CFAP47: variants seen among roughly 807,000 people sequenced by gnomAD.
CFAP47 encodes cilia- and flagella-associated protein 47.
A neutral mutation model predicts 148.1 loss-of-function variants in CFAP47; 29 were observed. That is an observed-to-expected ratio of 0.20 (90% CI 0.15 to 0.27). The LOEUF (loss-of-function observed/expected upper bound fraction) is 0.27, where lower values mean the gene tolerates loss of function less well. Among genes scored for constraint, CFAP47 ranks in the 10% least tolerant of loss-of-function variants. CFAP47 has a pLI of 1.00. For missense variants in CFAP47, 1,872 were observed against 1,697.5 expected, an observed-to-expected ratio of 1.10 and a Z score of -1.81; for synonymous variants, 664 against 577.3, an observed-to-expected ratio of 1.15 and a Z score of -2.15.
Position 36,228,745 on chromosome X carries a change from T to C in CFAP47, c.6935T>C (p.Ile2312Thr), listed in dbSNP as rs781798845. Residue 2312 changes from isoleucine (I) to threonine (T), a missense_variant, in exon 46 of 64, where the codon ATT (isoleucine) becomes ACT (threonine). Transcript: ENST00000378653. ...YDVRAYYVEG[I>T]VNEEQPEAKF... Reference sequence around the variant, plus strand: ...GTGCGTGCCTATTATGTTGAAGGTATTGTGAATGAAGAACAACCAGAGGCC... The same window carrying C: ...GTGCGTGCCTATTATGTTGAAGGTACTGTGAATGAAGAACAACCAGAGGCC... 1 of 523,409 alleles carries C rather than the reference T, an allele frequency of 1.9e-6. No homozygotes were observed. Among genetic ancestry groups the C allele is most frequent in the African/African-American group, 2.3e-5 (1 of 43,263 alleles). The allele number at this position is 523,409 out of a possible 1,213,427, so 43.1% of individuals were successfully genotyped here.
chrX:36,049,819 A>C (rs1202402305), intron 26 of CFAP47, among the ~76,000 whole-genome samples: 2 of 111,490 alleles, frequency 1.8e-5, no homozygotes, highest in Non-Finnish European at 3.8e-5. Context: ...GTCCCCACCT[A>C]AATTTCATCT....
At chrX:36,055,001 T>C (rs1248346954) in intron 26 of CFAP47, among the ~76,000 whole-genome samples, 2 of 109,824 alleles carry the variant, frequency 1.8e-5, no homozygotes, top group Non-Finnish European at 3.8e-5. Flanking sequence ...CTCGATCTCC[T>C]GACCTCATGA....
chrX:36,381,647 A>G (rs1473464434), intron 63 of CFAP47, among the ~76,000 whole-genome samples: 2 of 111,048 alleles, frequency 1.8e-5, no homozygotes, highest in African/African-American at 3.3e-5. Context: ...TTTGAGACTA[A>G]AGTTTACTTA....
intron 1 of CFAP47, among the ~76,000 whole-genome samples, chrX:35,923,994 T>C (rs1362211905): frequency 2.0e-5 from 2 of 102,247 alleles, no homozygotes; most frequent in Non-Finnish European, 3.9e-5. Flanking sequence ...TATGTACATA[T>C]ATGTGTATAT....
intron 50 of CFAP47, among the ~76,000 whole-genome samples, chrX:36,282,977 TAGTG>T (rs1303975502): frequency 1.5e-4 from 17 of 111,637 alleles, no homozygotes; most frequent in African/African-American, 2.9e-4. Flanking sequence ...AAAGTTTTAA[TAGTG>T]AGTATTTTCT....
intron 45 of CFAP47, among the ~76,000 whole-genome samples, chrX:36,227,223 C>T (rs1602055679): frequency 9.0e-6 from 1 of 111,267 alleles, no homozygotes; most frequent in Non-Finnish European, 1.9e-5. Flanking sequence ...TAGGATGGAA[C>T]AAAAATAACA....
At chrX:36,118,176 A>G (rs1464491826) in intron 33 of CFAP47, among the ~76,000 whole-genome samples, 1 of 111,790 alleles carries the variant, frequency 8.9e-6, no homozygotes, top group Non-Finnish European at 1.9e-5. Flanking sequence ...AGATAATGTG[A>G]TTCTTCCAGT....
chrX:36,184,381 A>G (rs1482341792), intron 40 of CFAP47, among the ~76,000 whole-genome samples: 1 of 111,427 alleles, frequency 9.0e-6, no homozygotes, highest in Non-Finnish European at 1.9e-5. Context: ...AAGGGGAAAT[A>G]AAAGACATAC....
At position 35,951,333 on chromosome X, in the gene CFAP47, C is replaced by A. The variant is rs781233621; in HGVS notation, c.859C>A (p.Gln287Lys). 2 of 1,191,206 alleles carry A rather than the reference C, an allele frequency of 1.7e-6. No homozygotes were observed. Among genetic ancestry groups the A allele is most frequent in the East Asian group, 3.0e-5 (1 of 33,569 alleles). Reference protein sequence around the residue: ...PEPINWVAIIQDDAVGEELGT... With the variant: ...PEPINWVAIIKDDAVGEELGT... ...GCCCATAAATTGGGTGGCCATCATA[C>A]AAGATGATGCCGTGGGAGAAGAATT... is the stretch of plus-strand genomic sequence containing the variant. The change falls in exon 5 of 64, where the codon CAA becomes AAA. Residue 287 changes from glutamine (Q) to lysine (K), a missense_variant. Coordinates refer to ENST00000378653, the MANE Select transcript of CFAP47 (RefSeq NM_001304548.2).
intron 62 of CFAP47, among the ~76,000 whole-genome samples, chrX:36,377,043 C>G (rs1260795337): frequency 5.4e-5 from 6 of 111,243 alleles, no homozygotes; most frequent in African/African-American, 1.6e-4. Context: ...TTTGGGTTGG[C>G]TCCAAGTCTT....
At chrX:36,362,463 A>G (rs782592610) in intron 61 of CFAP47, among the ~76,000 whole-genome samples, 1 of 112,699 alleles carries the variant, frequency 8.9e-6, no homozygotes, top group Non-Finnish European at 1.9e-5. Flanking sequence ...TATGGCTTCC[A>G]GCCCCATCCA....
chrX:35,967,932 CAATAAT>C lies in CFAP47; in HGVS notation c.1814+124_1814+129del, dbSNP rs112359946. On this transcript the variant is annotated intron_variant, in intron 10 of 63. Transcript: ENST00000378653. ...TCCTGCTGTATAACACTAATGATTACAATAATAATAATAATAATAATAATAATAAAA... is the reference window on the plus strand; with the variant it reads ...TCCTGCTGTATAACACTAATGATTACAATAATAATAATAATAATAATAAAA... 5.2e-4 allele frequency: 148 copies of C among 284,977 alleles called. 2 individuals are homozygous for C. Among genetic ancestry groups the C allele is most frequent in the Middle Eastern group, 4.1e-3 (4 of 965 alleles). 23.5% of individuals were successfully genotyped at this position (284,977 alleles called of 1,213,427 possible). A position where few individuals can be genotyped will look rare whatever the true frequency, so the allele number is the denominator to read the frequency against.
chrX:36,186,905 T>C (rs1939813298), intron 40 of CFAP47, among the ~76,000 whole-genome samples: 1 of 110,812 alleles, frequency 9.0e-6, no homozygotes, highest in African/African-American at 3.3e-5. Context: ...ATTTTTTCCC[T>C]AAGGTTAAAG....
chrX:36,287,052 G>A (rs1197129056), intron 51 of CFAP47, among the ~76,000 whole-genome samples: 1 of 110,664 alleles, frequency 9.0e-6, no homozygotes, highest in African/African-American at 3.3e-5. Flanking sequence ...CACACCATCA[G>A]GGTACTTTAT....
intron 49 of CFAP47, among the ~76,000 whole-genome samples, chrX:36,274,794 A>T (rs1940995813): frequency 9.0e-6 from 1 of 111,657 alleles, no homozygotes; most frequent in African/African-American, 3.3e-5. Flanking sequence ...AGAAAAAAAT[A>T]TTTTTTCTTT....
chrX:35,989,019 A>C (rs184038403), intron 15 of CFAP47, among the ~76,000 whole-genome samples: 156 of 112,076 alleles, frequency 1.4e-3, no homozygotes, highest in African/African-American at 4.8e-3. Context: ...CTAATCATAG[A>C]GTGTTTGCTT....
chrX:36,050,917 A>ATACCTAAGCTT lies in CFAP47; in HGVS notation c.4217+3854_4217+3855insTACCTAAGCTT, dbSNP rs1319649923. Among the ~76,000 whole-genome samples, 36 of 112,543 alleles carry ATACCTAAGCTT rather than the reference A, an allele frequency of 3.2e-4. No individual in the cohort carries two copies. The South Asian group carries it at 5.2e-3, about 16-fold the overall frequency. ...GCTCCAGCTATGGCTAAAAGGGGTC[A>ATACCTAAGCTT]AGGTATAGCTTAGGCCATGGCTTCA... is the stretch of plus-strand genomic sequence containing the variant. On this transcript the variant is annotated intron_variant, in intron 26 of 63. Coordinates refer to ENST00000378653, the MANE Select transcript of CFAP47 (RefSeq NM_001304548.2).
chrX:35,938,337 T>C (rs1935948966), intron 2 of CFAP47, among the ~76,000 whole-genome samples: 1 of 111,102 alleles, frequency 9.0e-6, no homozygotes, highest in African/African-American at 3.3e-5. Context: ...TCTATATAGG[T>C]ATATGTACAT....
intron 30 of CFAP47, among the ~76,000 whole-genome samples, chrX:36,088,599 G>A (rs146863941): frequency 9.0e-6 from 1 of 110,778 alleles, no homozygotes; most frequent in Non-Finnish European, 1.9e-5. Context: ...GCCAGGAAAA[G>A]AGGCCTCACC....
Sources: allele counts gnomAD v4.1 joint callset (sites outside exome capture counted in the v4.1 genomes callset), GRCh38; gene constraint gnomAD v4.1.1; transcripts MANE v1.5; gene names NCBI Gene and HGNC (gene_info 2026-07-23, HGNC 2026-07-21).